WASHC5: variants seen among roughly 807,000 people sequenced by gnomAD.
The protein encoded by WASHC5 is WASH complex subunit strumpellin.
A neutral mutation model predicts 150.4 loss-of-function variants in WASHC5; 101 were observed. The ratio of observed to expected loss-of-function variants is 0.67; its 90% CI spans 0.57 to 0.79. WASHC5 has a LOEUF of 0.79. WASHC5 is among the 30% of genes least tolerant of loss of function. The pLI is 0.00. For synonymous variants in WASHC5, 467 were observed against 491.2 expected, an observed-to-expected ratio of 0.95 and a Z score of 0.65; for missense variants, 1,195 against 1,396.3, an observed-to-expected ratio of 0.86 and a Z score of 2.30.
In WASHC5 at chr8:125,044,623, G is replaced by A. The variant is rs375214976; in HGVS notation, c.2580C>T (p.Leu860=). Residue 860 remains leucine (L), a synonymous_variant, in exon 21 of 29, where the codon CTC becomes CTT. Transcript: ENST00000318410. ...CCAAGGTGGTCTGGATTTCTGAGAA[G>A]AGGCGGCTGCTGGTCACTTCCTGAT... is the stretch of plus-strand genomic sequence containing the variant. ...KTHQEVTSSR[L]FSEIQTTLGT... is the part of the protein sequence containing the mutation. 143 of 1,613,990 alleles carry A rather than the reference G, an allele frequency of 8.9e-5. No homozygotes were observed. The highest frequency in any genetic ancestry group is 1.1e-4 in the Non-Finnish European group (128 of 1,179,960).
chr8:125,077,034 C>T (rs1286178291), intron 6 of WASHC5, among the ~76,000 whole-genome samples: 2 of 152,150 alleles, frequency 1.3e-5, no homozygotes, highest in African/African-American at 2.4e-5. Context: ...TCCTAGATAC[C>T]ACTCTCTCTT....
At chr8:125,051,879 T>C (rs1232657741) in intron 17 of WASHC5, among the ~76,000 whole-genome samples, 1 of 152,080 alleles carries the variant, frequency 6.6e-6, no homozygotes, top group East Asian at 1.9e-4. Context: ...TGAAACTCTG[T>C]CTCAAAAAAA....
intron 19 of WASHC5, among the ~76,000 whole-genome samples, chr8:125,048,733 T>C (rs559384236): frequency 2.6e-5 from 4 of 152,186 alleles, no homozygotes; most frequent in Non-Finnish European, 5.9e-5. Context: ...GTCCTAAAAG[T>C]CTTTTGAACT....
Position 125,028,674 on chromosome 8 carries a change from CA to C in WASHC5, c.3368del (p.Val1123GlyfsTer58), listed in dbSNP as rs1815441493. On this transcript the variant is annotated frameshift_variant, in exon 28 of 29. Transcript: ENST00000318410. LOFTEE classifies it high-confidence loss of function. ...AATCCTCCAGGAACAGAAGGGCACC[CA>C]CAACATCTGCAGGAATTTCAGGTAT... is the stretch of plus-strand genomic sequence containing the variant. The part of the protein sequence containing the change: ...QKIPEIPADV[V>X]GALLFLEDYV... 6.2e-7 allele frequency: 1 copy of C among 1,613,740 alleles called. No individual in the cohort carries two copies. The highest frequency in any genetic ancestry group is 1.3e-5 in the African/African-American group (1 of 74,868).
Position 125,083,787 on chromosome 8 carries a change from C to G in WASHC5, c.112G>C (p.Ala38Pro). 6.2e-7 allele frequency: 1 copy of G among 1,613,766 alleles called. No homozygotes were observed. The highest frequency in any genetic ancestry group is 8.5e-7 in the Non-Finnish European group (1 of 1,179,750). ...ELLRLSEFIP[A>P]VFRLKDRADQ... ...GCTCTGTCTTTTAACCTGAACACAGCAGGAATAAACTCAGAGAGTCTCAAA... is the reference window on the plus strand; with the variant it reads ...GCTCTGTCTTTTAACCTGAACACAGGAGGAATAAACTCAGAGAGTCTCAAA... Residue 38 changes from alanine (A) to proline (P), a missense_variant, in exon 2 of 29, where the codon GCT becomes CCT. Physicochemically the swap from Ala to Pro is conservative, Grantham distance 27 (BLOSUM62 -1). This residue lies in a region of WASHC5 where 195 missense variants were observed against 206.9 expected (regional missense o/e 0.94). Transcript: ENST00000318410.
chr8:125,044,081 A>T lies in WASHC5; in HGVS notation c.2681T>A (p.Met894Lys). 6.2e-7 allele frequency: 1 copy of T among 1,609,734 alleles called. No individual in the cohort carries two copies. Among genetic ancestry groups the T allele is most frequent in the Middle Eastern group, 1.7e-4 (1 of 6,036 alleles). Residue 894 changes from methionine to lysine, a missense_variant, in exon 22 of 29, where the codon ATG becomes AAG. This residue lies in a region of WASHC5 where 997 missense variants were observed against 1,168.1 expected (regional missense o/e 0.85). Transcript: ENST00000318410. Reference protein sequence around the residue: ...IVKELQNFLSMFQKIILRDRT... With the variant: ...IVKELQNFLSKFQKIILRDRT... The stretch of plus-strand genomic sequence containing the variant: ...GTCTCTCAGGATAATTTTCTGAAAC[A>T]TACTGAGGAAATTCTAAAAACAAGA...
At chr8:125,025,323 T>C (rs112208183) in intron 28 of WASHC5, among the ~76,000 whole-genome samples, 225 of 152,214 alleles carry the variant, frequency 1.5e-3, no homozygotes, top group African/African-American at 5.3e-3. Context: ...CAGAAGAGTA[T>C]AAAAATTATT....
chr8:125,024,827 T>C (rs769385731), intron 28 of WASHC5, among the ~76,000 whole-genome samples, 154 bp from the exon 29 acceptor site: 1 of 151,914 alleles, frequency 6.6e-6, no homozygotes, highest in African/African-American at 2.4e-5. Flanking sequence ...CCCTTTCTGC[T>C]TGTGGTGCCC....
Position 125,067,708 on chromosome 8 carries a change from T to C in WASHC5, c.1162A>G (p.Asn388Asp). 1.2e-6 allele frequency: 2 copies of C among 1,613,792 alleles called. No individual in the cohort carries two copies. Among genetic ancestry groups the C allele is most frequent in the Non-Finnish European group, 1.7e-6 (2 of 1,179,796 alleles). The change falls in exon 10 of 29, where the codon AAC becomes GAC. Residue 388 changes from asparagine (N) to aspartate (D), a missense_variant. Asn to Asp is a conservative substitution (Grantham distance 23, BLOSUM62 1). Around this residue, in one of 3 missense-constraint regions of WASHC5, gnomAD observed 997 missense variants for 1,168.1 expected, o/e 0.85. Coordinates refer to ENST00000318410, the MANE Select transcript of WASHC5 (RefSeq NM_014846.4). ...TTGATTTGACGAAGGCGTTTGTTGTTTGGGTCACAGGCTAGAAACAGGAAA... is the reference window on the plus strand; with the variant it reads ...TTGATTTGACGAAGGCGTTTGTTGTCTGGGTCACAGGCTAGAAACAGGAAA... ...LHTADSACDP[N>D]NKRLRQIKDQ...
intron 6 of WASHC5, among the ~76,000 whole-genome samples, chr8:125,077,907 C>A (rs1817112883): frequency 6.6e-6 from 1 of 152,042 alleles, no homozygotes; most frequent in Non-Finnish European, 1.5e-5. Context: ...CTTAAAACAA[C>A]AACAACAACA....
chr8:125,035,842 T>G (rs1815687824), intron 26 of WASHC5, among the ~76,000 whole-genome samples: 1 of 152,198 alleles, frequency 6.6e-6, no homozygotes, highest in South Asian at 2.1e-4. Context: ...AGAAATATAT[T>G]TAGGAATCTC....
At chr8:125,037,400 CCAAATGAAAATCTTCCATTTTACTT>C in intron 25 of WASHC5, 67 bp from the exon 26 acceptor site, 1 of 985,438 alleles carries the variant, frequency 1.0e-6, no homozygotes, top group Non-Finnish European at 1.6e-6. Context: ...GAACAGGTTT[CCAAATGAAAATCTTCCATTTTACTT>C]CAATTTGCTC....
chr8:125,083,115 G>GT lies in WASHC5; in HGVS notation c.329dup (p.Asn110LysfsTer6), dbSNP rs1468743907. ...GCTATTCCTAAATAGATCAATACCT[G>GT]TTTAAGTCTACAATATATTTATGTA... On this transcript the variant is annotated frameshift_variant, in exon 3 of 29. Transcript: ENST00000318410. LOFTEE classifies it high-confidence loss of function. The GT allele has an allele frequency of 6.6e-7, 1 of 1,515,076 alleles. No individual in the cohort carries two copies. Among genetic ancestry groups the GT allele is most frequent in the Non-Finnish European group, 9.2e-7 (1 of 1,091,632 alleles). The allele number at this position is 1,515,076 out of a possible 1,614,324, so 93.9% of individuals were successfully genotyped here.
At chr8:125,085,451 C>T (rs1272746812) in intron 1 of WASHC5, among the ~76,000 whole-genome samples, 3 of 151,962 alleles carry the variant, frequency 2.0e-5, no homozygotes, top group East Asian at 1.9e-4. Flanking sequence ...CTAAAACATG[C>T]AAAGGGATCT....
At position 125,026,616 on chromosome 8, in the gene WASHC5, AT is replaced by A. The variant is rs1815385338; in HGVS notation, c.3424-1944del. On this transcript the variant is annotated intron_variant, in intron 28 of 28. Coordinates refer to ENST00000318410, the MANE Select transcript of WASHC5 (RefSeq NM_014846.4). ...GAGATGTAAAGGGGACTAAGTTGCT[AT>A]TTTTTTAACTGTGTGAACTTACATC... Among the ~76,000 whole-genome samples, 3 of 152,018 alleles carry A rather than the reference AT, an allele frequency of 2.0e-5. No homozygotes were observed. The South Asian group carries it at 6.2e-4, about 32-fold the overall frequency.
chr8:125,083,147 G>C lies in WASHC5; in HGVS notation c.298C>G (p.Gln100Glu). 6.4e-7 allele frequency: 1 copy of C among 1,564,684 alleles called. No individual in the cohort carries two copies. The change falls in exon 3 of 29, where the codon CAA becomes GAA. Residue 100 changes from glutamine to glutamate, a missense_variant. By Grantham distance (29) the Gln-to-Glu change is conservative. Coordinates refer to ENST00000318410, the MANE Select transcript of WASHC5 (RefSeq NM_014846.4). ...EIVTRFYLAF[Q>E]SVHKYIVDLN... ...TCTACAATATATTTATGTACACTTT[G>C]AAATGCTAAATAAAATCTGGTCACA... is the stretch of plus-strand genomic sequence containing the variant.
At chr8:125,059,118 T>G (rs193201449) in intron 14 of WASHC5, 104 bp downstream of exon 14, 1 of 829,526 alleles carries the variant, frequency 1.2e-6, no homozygotes, top group Non-Finnish European at 2.0e-6. Flanking sequence ...TTGAAATTAT[T>G]TACCTTCCTA....
chr8:125,050,397 G>A (rs1816203747), intron 18 of WASHC5, among the ~76,000 whole-genome samples, 167 bp downstream of exon 18: 1 of 152,010 alleles, frequency 6.6e-6, no homozygotes, highest in African/African-American at 2.4e-5. Flanking sequence ...TAATATGAAT[G>A]GATTATAAGA....
chr8:125,082,575 C>T (rs1817298045), intron 3 of WASHC5, 108 bp from the exon 4 acceptor site: 3 of 718,846 alleles, frequency 4.2e-6, no homozygotes, highest in Non-Finnish European at 7.5e-6. Flanking sequence ...GCATTCTGGC[C>T]TTCCACTAGT....
Sources: allele counts gnomAD v4.1 joint callset (sites outside exome capture counted in the v4.1 genomes callset), GRCh38; gene constraint gnomAD v4.1.1; regional missense constraint gnomAD v4.1.1; transcripts MANE v1.5; gene names NCBI Gene and HGNC (gene_info 2026-07-23, HGNC 2026-07-21).